Variants in ERBIN observed in about 807,000 individuals in gnomAD.
The protein encoded by ERBIN is erbb2 interacting protein.
Under a neutral mutation model 158.4 loss-of-function variants are expected in ERBIN, and 60 were observed. The observed-to-expected ratio is 0.38, with a 90% confidence interval of 0.31 to 0.47. The LOEUF is 0.47. ERBIN is among the 20% of genes least tolerant of loss of function. ERBIN has a pLI of 0.99. For synonymous variants in ERBIN, 594 were observed against 557.2 expected, an observed-to-expected ratio of 1.07 and a Z score of -0.93; for missense variants, 1,610 against 1,648.0, an observed-to-expected ratio of 0.98 and a Z score of 0.40.
chr5:65,957,253 G>A (rs1016523626), intron 1 of ERBIN, among the ~76,000 whole-genome samples: 1 of 151,164 alleles, frequency 6.6e-6, no homozygotes, highest in African/African-American at 2.4e-5. Flanking sequence ...TCATTCTTGG[G>A]TGTTTCTCGC....
At position 66,021,314 on chromosome 5, in the gene ERBIN, A is replaced by G; in HGVS notation, c.534-8A>G. On this transcript the variant is annotated splice_polypyrimidine_tract_variant and splice_region_variant and intron_variant, in intron 7 of 25. Coordinates refer to ENST00000284037, the MANE Select transcript of ERBIN (RefSeq NM_001253697.2). The stretch of plus-strand genomic sequence containing the variant: ...CTAGTTAATTTTTCATTACTCCATT[A>G]TGAACAGAACTATGAATAGACTGAC... The G allele has an allele frequency of 6.4e-7, 1 of 1,563,786 alleles. No individual in the cohort carries two copies. Among genetic ancestry groups the G allele is most frequent in the East Asian group, 2.3e-5 (1 of 43,806 alleles).
In ERBIN at chr5:66,054,173, C is replaced by T. The variant is rs1226945300; in HGVS notation, c.2855C>T (p.Pro952Leu). 2 of 1,613,924 alleles carry T rather than the reference C, an allele frequency of 1.2e-6. No homozygotes were observed. The highest frequency in any genetic ancestry group is 2.2e-5 in the East Asian group (1 of 44,894). Residue 952 changes from proline to leucine, a missense_variant, in exon 21 of 26, where the codon CCC becomes CTC. By Grantham distance (98) the Pro-to-Leu change is moderately conservative (BLOSUM62 -3). This residue lies in a region of ERBIN where 1,014 missense variants were observed against 936.1 expected (regional missense o/e 1.08). Coordinates refer to ENST00000284037, the MANE Select transcript of ERBIN (RefSeq NM_001253697.2). ...TTCAAGTTTGATTCAAATCATAATC[C>T]CGAAGAGCCAAATATAATAAGAGGC... ...AIFKFDSNHNPEEPNIIRGPT... is the reference protein window; with the variant it reads ...AIFKFDSNHNLEEPNIIRGPT...
chr5:65,975,153 A>G (rs1210916349), intron 1 of ERBIN, among the ~76,000 whole-genome samples: 1 of 150,752 alleles, frequency 6.6e-6, no homozygotes, highest in Non-Finnish European at 1.5e-5. Flanking sequence ...GATTACAGGC[A>G]TGTGCCACGA....
intron 20 of ERBIN, among the ~76,000 whole-genome samples, chr5:66,051,385 C>T (rs866400895): frequency 1.6e-4 from 25 of 152,224 alleles, no homozygotes; most frequent in Admixed American, 5.2e-4. Context: ...GTAGGACACA[C>T]TCACTGAGAG....
chr5:65,983,463 T>C (rs1750867462), intron 1 of ERBIN, among the ~76,000 whole-genome samples: 1 of 152,188 alleles, frequency 6.6e-6, no homozygotes, highest in Non-Finnish European at 1.5e-5. Context: ...TTCATATTAT[T>C]ATTTTAATTG....
chr5:65,993,700 C>T (rs1242542018), intron 3 of ERBIN, among the ~76,000 whole-genome samples: 1 of 152,036 alleles, frequency 6.6e-6, no homozygotes, highest in Non-Finnish European at 1.5e-5. Context: ...AAAATCAATT[C>T]AGTATGTGTG....
intron 12 of ERBIN, 147 bp from the exon 13 acceptor site, chr5:66,026,155 C>G: frequency 1.5e-6 from 1 of 676,226 alleles, no homozygotes; most frequent in Non-Finnish European, 2.3e-6. Flanking sequence ...TTCTTATGTA[C>G]ATAAAAATTA....
At chr5:66,056,982 C>G (rs1580489507) in intron 21 of ERBIN, among the ~76,000 whole-genome samples, 1 of 152,202 alleles carries the variant, frequency 6.6e-6, no homozygotes, top group Middle Eastern at 3.4e-3. Flanking sequence ...CTGTGTTTGC[C>G]TGTTTCAGTT....
At chr5:65,954,147 G>A (rs768954619) in intron 1 of ERBIN, among the ~76,000 whole-genome samples, 1 of 152,086 alleles carries the variant, frequency 6.6e-6, no homozygotes, top group East Asian at 1.9e-4. Context: ...TGATTGAGAC[G>A]ATATATTAAA....
At chr5:66,075,898 GA>G (rs1420217528) in intron 23 of ERBIN, among the ~76,000 whole-genome samples, 1 of 152,016 alleles carries the variant, frequency 6.6e-6, no homozygotes, top group East Asian at 1.9e-4. Flanking sequence ...ACCACCAGTG[GA>G]TCTTTTAGAT....
chr5:66,002,952 T>G (rs543189066), intron 4 of ERBIN, among the ~76,000 whole-genome samples: 2 of 152,340 alleles, frequency 1.3e-5, no homozygotes, highest in East Asian at 3.9e-4. Flanking sequence ...GACTGGTGAT[T>G]TCTGGCCACT....
chr5:65,999,768 A>G (rs1752837805), intron 4 of ERBIN, among the ~76,000 whole-genome samples: 1 of 152,188 alleles, frequency 6.6e-6, no homozygotes, highest in African/African-American at 2.4e-5. Context: ...CTGCCGTTTC[A>G]GACTTTTCCT....
intron 2 of ERBIN, among the ~76,000 whole-genome samples, chr5:65,989,171 G>C (rs1302445562): frequency 6.6e-6 from 1 of 152,064 alleles, no homozygotes; most frequent in African/African-American, 2.4e-5. Context: ...TTCTGATCAG[G>C]CTAGGCTTTC....
chr5:66,039,044 G>GTT (rs941366389), intron 15 of ERBIN, among the ~76,000 whole-genome samples: 6 of 151,614 alleles, frequency 4.0e-5, no homozygotes, highest in African/African-American at 1.5e-4. Context: ...GTGTGTGTGT[G>GTT]TTTATTGTGT....
At chr5:65,948,761 C>CATT (rs1561282947) in intron 1 of ERBIN, among the ~76,000 whole-genome samples, 3 of 44,424 alleles carry the variant, frequency 6.8e-5, no homozygotes, top group Admixed American at 1.8e-4. Flanking sequence ...TTCTGTTTTG[C>CATT]GTTTTTTTTT....
At chr5:65,944,247 C>G (rs1006957556) in intron 1 of ERBIN, among the ~76,000 whole-genome samples, 1 of 146,730 alleles carries the variant, frequency 6.8e-6, no homozygotes, top group South Asian at 2.2e-4. Flanking sequence ...ATATTGTTTT[C>G]CACAGTGGCT....
At chr5:65,976,447 T>TA (rs1365906483) in intron 1 of ERBIN, among the ~76,000 whole-genome samples, 4 of 152,136 alleles carry the variant, frequency 2.6e-5, no homozygotes, top group African/African-American at 9.6e-5. Flanking sequence ...TACTCCAGCC[T>TA]GGGTGACAGA....
At chr5:65,950,045 G>A (rs1005291320) in intron 1 of ERBIN, among the ~76,000 whole-genome samples, 5 of 152,050 alleles carry the variant, frequency 3.3e-5, no homozygotes, top group Admixed American at 1.3e-4. Flanking sequence ...TCGCTCTGTC[G>A]CCCAGGCTGG....
chr5:65,984,081 A>AGTG (rs2151023556), intron 1 of ERBIN, among the ~76,000 whole-genome samples: 1 of 150,832 alleles, frequency 6.6e-6, no homozygotes, highest in South Asian at 2.1e-4. Flanking sequence ...TCTGGGAAAT[A>AGTG]GTGGACCAGA....
Sources: allele counts gnomAD v4.1 joint callset (sites outside exome capture counted in the v4.1 genomes callset), GRCh38; gene constraint gnomAD v4.1.1; regional missense constraint gnomAD v4.1.1; transcripts MANE v1.5; gene names NCBI Gene and HGNC (gene_info 2026-07-23, HGNC 2026-07-21).